TAOK3: variants seen among roughly 807,000 people sequenced by gnomAD.
TAOK3 encodes the protein TAO kinase 3.
In TAOK3, 40 loss-of-function variants were observed where a neutral mutation model predicts 120.4. That is an observed-to-expected ratio of 0.33 (90% CI 0.26 to 0.43). The LOEUF is 0.43. Ranked by LOEUF, TAOK3 falls within the 20% of genes least tolerant of loss-of-function variation. The probability of loss-of-function intolerance (pLI) is 1.00; values close to 1 mark genes in which losing one functional copy is unlikely to be tolerated. For synonymous variants in TAOK3, 355 were observed against 387.5 expected, an observed-to-expected ratio of 0.92 and a Z score of 0.99; for missense variants, 821 against 1,112.1, an observed-to-expected ratio of 0.74 and a Z score of 3.72.
At chr12:118,363,847 C>T (rs187039737) in intron 1 of TAOK3, among the ~76,000 whole-genome samples, 7 of 152,050 alleles carry the variant, frequency 4.6e-5, no homozygotes, top group Admixed American at 3.3e-4. Context: ...ACAGGCCAGG[C>T]GCGGTGGCTC....
intron 19 of TAOK3, among the ~76,000 whole-genome samples, chr12:118,158,294 T>C (rs1200925100): frequency 6.6e-6 from 1 of 152,168 alleles, no homozygotes; most frequent in Non-Finnish European, 1.5e-5. Context: ...CCCCAGCAGA[T>C]CTCATCCATT....
chr12:118,217,511 C>A (rs1252846247), intron 9 of TAOK3, among the ~76,000 whole-genome samples: 1 of 151,680 alleles, frequency 6.6e-6, no homozygotes, highest in Non-Finnish European at 1.5e-5. Flanking sequence ...CATGGTAAAA[C>A]CCTGTCTCTA....
rs2040113115 is a variant in TAOK3, at chr12:118,238,534, T to C, written c.341-365A>G. ...TGTTCTAGGTTACATTTTCCTCCTC[T>C]GCCACAAAGCCATCTTTAATTACCC... is the stretch of plus-strand genomic sequence containing the variant. On this transcript the variant is annotated intron_variant, in intron 6 of 20. Coordinates refer to ENST00000392533, the MANE Select transcript of TAOK3 (RefSeq NM_016281.4). Among the ~76,000 whole-genome samples, 7 of 152,276 alleles carry C rather than the reference T, an allele frequency of 4.6e-5. No individual in the cohort carries two copies. The South Asian group carries it at 1.2e-3, about 27-fold the overall frequency.
chr12:118,316,421 AT>A (rs111896659), intron 1 of TAOK3, among the ~76,000 whole-genome samples: 2 of 149,232 alleles, frequency 1.3e-5, no homozygotes, highest in African/African-American at 2.5e-5. Flanking sequence ...CAAGGACATC[AT>A]TTTTTTTTTA....
chr12:118,348,269 A>T (rs1475405945), intron 1 of TAOK3, among the ~76,000 whole-genome samples: 4 of 152,194 alleles, frequency 2.6e-5, no homozygotes, highest in Non-Finnish European at 5.9e-5. Context: ...CCTTTAAAGG[A>T]CATGGACCTT....
At chr12:118,289,882 C>T (rs2042408618) in intron 1 of TAOK3, among the ~76,000 whole-genome samples, 1 of 151,674 alleles carries the variant, frequency 6.6e-6, no homozygotes, top group African/African-American at 2.4e-5. Context: ...GTAATCCCAG[C>T]TCCTTGGGAG....
intron 19 of TAOK3, among the ~76,000 whole-genome samples, chr12:118,153,224 T>C (rs1305259124): frequency 6.6e-6 from 1 of 152,094 alleles, no homozygotes; most frequent in African/African-American, 2.4e-5. Flanking sequence ...TTGGGAAATA[T>C]TGTGAGACCC....
At position 118,189,535 on chromosome 12, in the gene TAOK3, GACACACACACACACACACACACACAC is replaced by G. The variant is rs869285530; in HGVS notation, c.1329+246_1329+271del. 7.6e-3 allele frequency among the ~76,000 whole-genome samples: 1,008 copies of G among 132,288 alleles called. 17 individuals carry two copies. Among genetic ancestry groups the G allele is most frequent in the African/African-American group, 0.027 (938 of 34,990 alleles). 86.8% of individuals were successfully genotyped at this position (132,288 alleles called of 152,430 possible). A position where few individuals can be genotyped will look rare whatever the true frequency, so the allele number is the denominator to read the frequency against. On this transcript the variant is annotated intron_variant, in intron 14 of 20. Transcript: ENST00000392533. ...GCATATACAAACACACACAGACACAGACACACACACACACACACACACACACACACACACACACACACAAAGGTTTT... is the reference window on the plus strand; with the variant it reads ...GCATATACAAACACACACAGACACAGACACACACACACACACAAAGGTTTT...
At chr12:118,198,982 T>G in intron 13 of TAOK3, 69 bp downstream of exon 13, 1 of 1,556,034 alleles carries the variant, frequency 6.4e-7, no homozygotes, top group Non-Finnish European at 8.9e-7. Context: ...ATCTGGAAGC[T>G]AAGTGACTTG....
At chr12:118,309,327 CAAAAA>C (rs771231916) in intron 1 of TAOK3, among the ~76,000 whole-genome samples, 1 of 71,104 alleles carries the variant, frequency 1.4e-5, no homozygotes, top group African/African-American at 5.1e-5. Flanking sequence ...AGACTGTCTC[CAAAAA>C]AAAAAAAAAA....
chr12:118,150,142 A>T lies in TAOK3; in HGVS notation c.*855T>A, dbSNP rs560771702. 1 of 152,676 alleles carries T rather than the reference A, an allele frequency of 6.5e-6. No homozygotes were observed. The highest frequency in any genetic ancestry group is 2.1e-4 in the South Asian group (1 of 4,822). 9.5% of individuals were successfully genotyped at this position (152,676 alleles called of 1,614,324 possible). ...AGGAAGTAAAAAAATTTGATCAGAG[A>T]AACAGTTAAAATACAATATGAAAAT... On this transcript the variant is annotated 3_prime_UTR_variant, in exon 21 of 21. Transcript: ENST00000392533.
intron 1 of TAOK3, among the ~76,000 whole-genome samples, chr12:118,316,732 T>C (rs1451413962): frequency 6.6e-6 from 1 of 152,078 alleles, no homozygotes; most frequent in Non-Finnish European, 1.5e-5. Context: ...TGATCTTATA[T>C]CCAGAAAACC....
At chr12:118,323,937 T>A (rs1229749966) in intron 1 of TAOK3, among the ~76,000 whole-genome samples, 2 of 152,004 alleles carry the variant, frequency 1.3e-5, no homozygotes, top group Admixed American at 1.3e-4. Context: ...ATAAAAGAAA[T>A]GAAGCAATTG....
intron 1 of TAOK3, among the ~76,000 whole-genome samples, chr12:118,317,298 ATTTTTTTTT>A (rs950745966): frequency 7.9e-6 from 1 of 126,056 alleles, no homozygotes; most frequent in East Asian, 2.6e-4. Flanking sequence ...CGCTGGGAGA[ATTTTTTTTT>A]TTTTTTTTTT....
At chr12:118,316,447 T>C (rs2043461497) in intron 1 of TAOK3, among the ~76,000 whole-genome samples, 1 of 152,084 alleles carries the variant, frequency 6.6e-6, no homozygotes, top group South Asian at 2.1e-4. Context: ...CTCTTAGAGG[T>C]GGGGTCTCGC....
At chr12:118,154,159 G>A (rs2034645789) in intron 19 of TAOK3, among the ~76,000 whole-genome samples, 1 of 152,204 alleles carries the variant, frequency 6.6e-6, no homozygotes, top group East Asian at 1.9e-4. Flanking sequence ...GGCAGTGAAA[G>A]TCCTGTTCTT....
chr12:118,172,520 A>G lies in TAOK3; in HGVS notation c.1836T>C (p.Cys612=), dbSNP rs1409962196. Reference sequence around the variant, plus strand: ...TCATTATTTTCCGCTTGAAGAAACGACAATTTTTGTCGTAGTACAGTCTCT... The same window carrying G: ...TCATTATTTTCCGCTTGAAGAAACGGCAATTTTTGTCGTAGTACAGTCTCT... ...TQQRLYYDKN[C]RFFKRKIMIK... The change falls in exon 17 of 21, where the codon TGT becomes TGC. Residue 612 remains cysteine, a synonymous_variant. Coordinates refer to ENST00000392533, the MANE Select transcript of TAOK3 (RefSeq NM_016281.4). The G allele has an allele frequency of 3.1e-6, 5 of 1,614,024 alleles. No individual in the cohort carries two copies. Among genetic ancestry groups the G allele is most frequent in the African/African-American group, 1.3e-5 (1 of 74,900 alleles).
At chr12:118,158,154 C>T (rs1053732854) in intron 19 of TAOK3, among the ~76,000 whole-genome samples, 3 of 152,216 alleles carry the variant, frequency 2.0e-5, no homozygotes. Context: ...GCTCCTGTGA[C>T]ATGCTCTCTT....
intron 1 of TAOK3, among the ~76,000 whole-genome samples, chr12:118,364,666 G>A (rs1188792653): frequency 4.6e-5 from 7 of 152,210 alleles, no homozygotes; most frequent in Middle Eastern, 3.4e-3. Context: ...CCAGCACTTC[G>A]AGAGGCCAAG....
Sources: allele counts gnomAD v4.1 joint callset (sites outside exome capture counted in the v4.1 genomes callset), GRCh38; gene constraint gnomAD v4.1.1; transcripts MANE v1.5; gene names NCBI Gene and HGNC (gene_info 2026-07-23, HGNC 2026-07-21).